The following ORMDL3 variants were observed in gnomAD, a reference collection of about 807,000 sequenced individuals.
The protein encoded by ORMDL3 is ORMDL sphingolipid biosynthesis regulator 3, also known as ORM1-like protein 3.
A neutral mutation model predicts 12.6 loss-of-function variants in ORMDL3; 6 were observed. That is an observed-to-expected ratio of 0.48 (90% CI 0.26 to 0.94). The LOEUF (loss-of-function observed/expected upper bound fraction) is 0.94, where lower values mean the gene tolerates loss of function less well. Ranked by LOEUF, ORMDL3 falls within the 40% of genes least tolerant of loss-of-function variation. The pLI, the probability that ORMDL3 is intolerant of heterozygous loss-of-function variation, is 0.14. For missense variants in ORMDL3, 159 were observed against 205.5 expected (o/e 0.77, Z 1.38); for synonymous variants, 99 against 87.2 (o/e 1.14, Z -0.75).
At position 39,924,245 on chromosome 17, in the gene ORMDL3, G is replaced by A. The variant is rs1978323267; in HGVS notation, c.-22-20C>T. ...GCTGTTCTGCAAACAAGCAGCACAG[G>A]TCAGACAGGTCACACTGCTTTCCCT... On this transcript the variant is annotated intron_variant, in intron 1 of 3. Transcript: ENST00000304046. The A allele has an allele frequency of 6.4e-7, 1 of 1,553,754 alleles. No individual in the cohort carries two copies.
intron 1 of ORMDL3, chr17:39,926,703 G>C (rs1978445271): frequency 1.2e-6 from 1 of 841,332 alleles, no homozygotes; most frequent in South Asian, 5.4e-5. Flanking sequence ...CAAATATCCG[G>C]GCCCAGCCAG....
chr17:39,926,957 C>A (rs1228664372), intron 1 of ORMDL3: 2 of 985,636 alleles, frequency 2.0e-6, no homozygotes, highest in Non-Finnish European at 2.4e-6. Context: ...AACCTCTCAA[C>A]TTTGGCCCAG....
rs1978294379 is a variant in ORMDL3, at chr17:39,921,347, T to G, written c.*1203A>C. The G allele has an allele frequency of 6.6e-6, 1 of 152,562 alleles. No individual in the cohort carries two copies. Among genetic ancestry groups the G allele is most frequent in the Non-Finnish European group, 1.5e-5 (1 of 68,206 alleles). The allele number at this position is 152,562 out of a possible 1,614,324, so 9.5% of individuals were successfully genotyped here. A position where few individuals can be genotyped will look rare whatever the true frequency, so the allele number is the denominator to read the frequency against. On this transcript the variant is annotated 3_prime_UTR_variant, in exon 4 of 4. Coordinates refer to ENST00000304046, the MANE Select transcript of ORMDL3 (RefSeq NM_139280.4). Reference sequence around the variant, plus strand: ...CGGCCTCACTTTCTTCTCTGCAGGCTGAGACAGTGCCTACAGGCCACGTCT... The same window carrying G: ...CGGCCTCACTTTCTTCTCTGCAGGCGGAGACAGTGCCTACAGGCCACGTCT...
Position 39,922,571 on chromosome 17 carries a change from A to T in ORMDL3, c.441T>A (p.Ile147=), listed in dbSNP as rs1339798290. 5 of 1,614,128 alleles carry T rather than the reference A, an allele frequency of 3.1e-6. No homozygotes were observed. Among genetic ancestry groups the T allele is most frequent in the Non-Finnish European group, 4.2e-6 (5 of 1,179,984 alleles). The change falls in exon 4 of 4, where the codon ATT becomes ATA. Residue 147 remains isoleucine, a synonymous_variant. Coordinates refer to ENST00000304046, the MANE Select transcript of ORMDL3 (RefSeq NM_139280.4). ...ACTCTCAGTACTTATTGATTCCAAA[A>T]ATCCGGACTCCGTGGAGCTGGGGCA... ...PKLPQLHGVR[I]FGINKY
intron 1 of ORMDL3, chr17:39,926,780 C>T: frequency 3.0e-6 from 3 of 985,996 alleles, no homozygotes; most frequent in Non-Finnish European, 3.6e-6. Context: ...CTTCCCATTC[C>T]CTCCCCCAGG....
chr17:39,923,243 G>A lies in ORMDL3; in HGVS notation c.195C>T (p.His65=). 1 of 1,614,204 alleles carries A rather than the reference G, an allele frequency of 6.2e-7. No homozygotes were observed. Among genetic ancestry groups the A allele is most frequent in the Non-Finnish European group, 8.5e-7 (1 of 1,180,038 alleles). The part of the protein sequence containing the change: ...IHNMGMYIFL[H]TVKGTPFETP... ...TCTCAAAGGGTGTCCCCTTCACCGT[G>A]TGCAGGAAGATATACATGCCCTGGA... Residue 65 remains histidine (H), a synonymous_variant, in exon 3 of 4, where the codon CAC becomes CAT. Transcript: ENST00000304046.
In ORMDL3 at chr17:39,921,895, C is replaced by G. The variant is rs1978298572; in HGVS notation, c.*655G>C. 6.6e-6 allele frequency: 1 copy of G among 152,546 alleles called. No individual in the cohort carries two copies. Among genetic ancestry groups the G allele is most frequent in the Non-Finnish European group, 1.5e-5 (1 of 68,230 alleles). 9.4% of individuals were successfully genotyped at this position (152,546 alleles called of 1,614,324 possible). A position where few individuals can be genotyped will look rare whatever the true frequency, so the allele number is the denominator to read the frequency against. On this transcript the variant is annotated 3_prime_UTR_variant, in exon 4 of 4. Coordinates refer to ENST00000304046, the MANE Select transcript of ORMDL3 (RefSeq NM_139280.4). ...TCCACCAGGCCAGGATGGCAGCAGC[C>G]CTGGCCCCCTCACCTCTGGAACCAA...
In ORMDL3 at chr17:39,922,394, G is replaced by A. The variant is rs893697475; in HGVS notation, c.*156C>T. ...CCCCACTACAAGCTACTCCAAGTTGGCTACTGGGGGAAGCGAGGGGGGAAA... is the reference window on the plus strand; with the variant it reads ...CCCCACTACAAGCTACTCCAAGTTGACTACTGGGGGAAGCGAGGGGGGAAA... On this transcript the variant is annotated 3_prime_UTR_variant, in exon 4 of 4. Coordinates refer to ENST00000304046, the MANE Select transcript of ORMDL3 (RefSeq NM_139280.4). 17 of 916,064 alleles carry A rather than the reference G, an allele frequency of 1.9e-5. No individual in the cohort carries two copies. The African/African-American group carries it at 2.0e-4, about 11-fold the overall frequency. The allele number at this position is 916,064 out of a possible 1,614,324, so 56.7% of individuals were successfully genotyped here. A position where few individuals can be genotyped will look rare whatever the true frequency, so the allele number is the denominator to read the frequency against.
At position 39,923,213 on chromosome 17, in the gene ORMDL3, C is replaced by T. The variant is rs376499141; in HGVS notation, c.225G>A (p.Pro75=). 2.0e-5 allele frequency: 33 copies of T among 1,614,164 alleles called. No individual in the cohort carries two copies. The highest frequency in any genetic ancestry group is 1.3e-4 in the South Asian group (12 of 91,084). The change falls in exon 3 of 4, where the codon CCG becomes CCA. Residue 75 remains proline (P), a synonymous_variant. Transcript: ENST00000304046. ...HTVKGTPFET[P]DQGKARLLTH... ...TTAGCAGCCTCGCCTTGCCCTGGTC[C>T]GGGGTCTCAAAGGGTGTCCCCTTCA... is the stretch of plus-strand genomic sequence containing the variant.
intron 2 of ORMDL3, among the ~76,000 whole-genome samples, chr17:39,923,799 T>G (rs540453891): frequency 6.6e-6 from 1 of 151,968 alleles, no homozygotes; most frequent in African/African-American, 2.4e-5. Context: ...CCTAGAGATG[T>G]GGAAAAATCT....
intron 2 of ORMDL3, 81 bp from the exon 3 acceptor site, chr17:39,923,344 G>T: frequency 6.8e-7 from 1 of 1,480,318 alleles, no homozygotes. Flanking sequence ...ACAGACACAA[G>T]TAACTCCCAG....
rs201193746 is a variant in ORMDL3 at position 39,922,529 on chromosome 17, G to A, written c.*21C>T. 33 of 1,610,258 alleles carry A rather than the reference G, an allele frequency of 2.0e-5. No individual in the cohort carries two copies. Among genetic ancestry groups the A allele is most frequent in the Non-Finnish European group, 2.5e-5 (29 of 1,178,250 alleles). ...CCCTACCCCTCCCCTGCCACCCTGGGCAGGGGAAGGGGCTGCACTCTCAGT... is the reference window on the plus strand; with the variant it reads ...CCCTACCCCTCCCCTGCCACCCTGGACAGGGGAAGGGGCTGCACTCTCAGT... On this transcript the variant is annotated 3_prime_UTR_variant, in exon 4 of 4. Transcript: ENST00000304046.
At chr17:39,925,942 G>C (rs1026129222) in intron 1 of ORMDL3, 1 of 152,200 alleles carries the variant, frequency 6.6e-6, no homozygotes, top group African/African-American at 2.4e-5. Context: ...CAGCCCCTGG[G>C]ACAGCTGCTA....
Position 39,922,582 on chromosome 17 carries a change from C to G in ORMDL3, c.430G>C (p.Gly144Arg). 1 of 1,614,116 alleles carries G rather than the reference C, an allele frequency of 6.2e-7. No individual in the cohort carries two copies. Among genetic ancestry groups the G allele is most frequent in the Non-Finnish European group, 8.5e-7 (1 of 1,180,004 alleles). Residue 144 changes from glycine to arginine, a missense_variant, in exon 4 of 4, where the codon GGA becomes CGA. Physicochemically the swap from Gly to Arg is moderately radical, Grantham distance 125. Coordinates refer to ENST00000304046, the MANE Select transcript of ORMDL3 (RefSeq NM_139280.4). ...TTATTGATTCCAAAAATCCGGACTC[C>G]GTGGAGCTGGGGCAGCTTGGGGATA... ...VLIPKLPQLH[G>R]VRIFGINKY
chr17:39,926,912 C>T lies in ORMDL3; in HGVS notation c.-23+572G>A. ...AGCACGTCACAATGCCATGTCCATTCCGCCCACCCCCCAAGCTGCAGGACC... is the reference window on the plus strand; with the variant it reads ...AGCACGTCACAATGCCATGTCCATTTCGCCCACCCCCCAAGCTGCAGGACC... On this transcript the variant is annotated intron_variant, in intron 1 of 3. Coordinates refer to ENST00000304046, the MANE Select transcript of ORMDL3 (RefSeq NM_139280.4). 5 of 986,004 alleles carry T rather than the reference C, an allele frequency of 5.1e-6. No individual in the cohort carries two copies. In the South Asian group the frequency reaches 2.3e-4, roughly 46 times the overall value. 61.1% of individuals were successfully genotyped at this position (986,004 alleles called of 1,614,324 possible).
intron 1 of ORMDL3, 133 bp downstream of exon 1, chr17:39,927,351 G>C: frequency 1.2e-5 from 7 of 584,290 alleles, no homozygotes; most frequent in Non-Finnish European, 1.5e-5. Context: ...GCACCCCCTC[G>C]GCTGATGCAC....
Position 39,922,469 on chromosome 17 carries a change from C to T in ORMDL3, c.*81G>A, listed in dbSNP as rs975525191. The stretch of plus-strand genomic sequence containing the variant: ...CTCTGGCAGTGTCCAGAGGCTTCTT[C>T]TTTCTGTCTTCAGTGTTGCAGCACA... On this transcript the variant is annotated 3_prime_UTR_variant, in exon 4 of 4. Transcript: ENST00000304046. 1.7e-5 allele frequency: 26 copies of T among 1,488,760 alleles called. No individual in the cohort carries two copies. Among genetic ancestry groups the T allele is most frequent in the African/African-American group, 4.2e-5 (3 of 70,918 alleles). The allele number at this position is 1,488,760 out of a possible 1,614,324, so 92.2% of individuals were successfully genotyped here. A position where few individuals can be genotyped will look rare whatever the true frequency, so the allele number is the denominator to read the frequency against.
At position 39,923,132 on chromosome 17, in the gene ORMDL3, C is replaced by G. The variant is rs1978309887; in HGVS notation, c.306G>C (p.Leu102Phe). ...GVQFTASRKFLTITPIVLYFL... is the reference protein window; with the variant it reads ...GVQFTASRKFFTITPIVLYFL... ...CTCACAGCACGATGGGTGTGATGGT[C>G]AAGAACTTCCGAGAGGCCGTGAACT... Residue 102 changes from leucine (L) to phenylalanine (F), a missense_variant, in exon 3 of 4, where the codon TTG becomes TTC. Physicochemically the swap from Leu to Phe is conservative, Grantham distance 22. Transcript: ENST00000304046. 7.4e-6 allele frequency: 12 copies of G among 1,614,082 alleles called. No homozygotes were observed. Among genetic ancestry groups the G allele is most frequent in the Non-Finnish European group, 8.5e-6 (10 of 1,180,040 alleles).
At chr17:39,926,820 C>T (rs1471471535) in intron 1 of ORMDL3, 3 of 985,900 alleles carry the variant, frequency 3.0e-6, no homozygotes, top group East Asian at 2.3e-4. Flanking sequence ...AGCAAACCTC[C>T]TGTCTTCTGG....
Sources: allele counts gnomAD v4.1 joint callset (sites outside exome capture counted in the v4.1 genomes callset), GRCh38; gene constraint gnomAD v4.1.1; transcripts MANE v1.5; gene names NCBI Gene and HGNC (gene_info 2026-07-23, HGNC 2026-07-21).